Variants in TMC1 observed in about 807,000 individuals in gnomAD.
TMC1 encodes the protein transmembrane channel-like protein 1.
Under a neutral mutation model 105.8 loss-of-function variants are expected in TMC1, and 84 were observed. That is an observed-to-expected ratio of 0.79 (90% CI 0.67 to 0.95). The LOEUF (loss-of-function observed/expected upper bound fraction) is 0.95. TMC1 is among the 40% of genes least tolerant of loss of function. The pLI is 0.00. For synonymous variants in TMC1, 315 were observed against 311.5 expected (o/e 1.01, Z -0.12); for missense variants, 817 against 914.1 (o/e 0.89, Z 1.37).
chr9:72,731,819 C>G (rs1193876262), intron 8 of TMC1, among the ~76,000 whole-genome samples: 2 of 152,192 alleles, frequency 1.3e-5, no homozygotes, highest in Non-Finnish European at 2.9e-5. Flanking sequence ...GTCCCTCCTA[C>G]TCCTTTGACC....
chr9:72,725,321 G>GTGTGTATA (rs1564515457), intron 8 of TMC1, among the ~76,000 whole-genome samples: 1 of 34,900 alleles, frequency 2.9e-5, no homozygotes. Context: ...TTTTATGTGT[G>GTGTGTATA]TATGTATATA....
chr9:72,835,872 C>T (rs367792551), intron 23 of TMC1, 79 bp from the exon 24 acceptor site: 38 of 1,526,942 alleles, frequency 2.5e-5, no homozygotes, highest in East Asian at 4.7e-5. Context: ...CTGAAAGCTA[C>T]GTTTTTATTT....
chr9:72,576,240 A>T (rs1281419010), intron 1 of TMC1, among the ~76,000 whole-genome samples: 1 of 152,220 alleles, frequency 6.6e-6, no homozygotes, highest in Non-Finnish European at 1.5e-5. Context: ...CAACTGTATT[A>T]GTTGGCCAAG....
At chr9:72,738,755 TAGG>T (rs1312916915) in intron 8 of TMC1, among the ~76,000 whole-genome samples, 1 of 152,118 alleles carries the variant, frequency 6.6e-6, no homozygotes. Context: ...TATATGTTAA[TAGG>T]AGTTTAATTA....
At chr9:72,531,953 A>G (rs1823504357) in intron 1 of TMC1, among the ~76,000 whole-genome samples, 1 of 151,870 alleles carries the variant, frequency 6.6e-6, no homozygotes, top group South Asian at 2.1e-4. Flanking sequence ...TTTATTCGAG[A>G]TGGAGTCTTG....
intron 5 of TMC1, among the ~76,000 whole-genome samples, chr9:72,685,580 T>C (rs564884730): frequency 1.3e-5 from 2 of 152,006 alleles, no homozygotes; most frequent in African/African-American, 2.4e-5. Context: ...TCCAGGCTGG[T>C]CTTAAACTCC....
intron 8 of TMC1, among the ~76,000 whole-genome samples, chr9:72,737,550 A>G (rs1300353653): frequency 6.6e-6 from 1 of 152,112 alleles, no homozygotes; most frequent in East Asian, 1.9e-4. Context: ...AAAATCAGAC[A>G]CTCATGTATG....
intron 2 of TMC1, among the ~76,000 whole-genome samples, chr9:72,586,154 T>C (rs1189889680): frequency 1.3e-5 from 2 of 152,222 alleles, no homozygotes; most frequent in Admixed American, 1.3e-4. Context: ...GTGCTTAATT[T>C]ACATAGATTA....
chr9:72,609,632 ACT>A (rs2132118769), intron 2 of TMC1, among the ~76,000 whole-genome samples: 1 of 151,966 alleles, frequency 6.6e-6, no homozygotes, highest in East Asian at 1.9e-4. Context: ...TTATACCAAA[ACT>A]CTTTTTAATA....
At chr9:72,615,375 A>G (rs945438690) in intron 2 of TMC1, among the ~76,000 whole-genome samples, 19 of 152,136 alleles carry the variant, frequency 1.2e-4, no homozygotes, top group African/African-American at 4.3e-4. Flanking sequence ...TTAATTTTAG[A>G]GCCTATTTTC....
chr9:72,700,088 C>G (rs1258930239), intron 7 of TMC1, among the ~76,000 whole-genome samples: 1 of 150,654 alleles, frequency 6.6e-6, no homozygotes, highest in Admixed American at 6.6e-5. Context: ...ACCCCCATCT[C>G]TATTAAAAAT....
chr9:72,613,709 C>T (rs562438416), intron 2 of TMC1, among the ~76,000 whole-genome samples: 2 of 151,920 alleles, frequency 1.3e-5, no homozygotes, highest in Non-Finnish European at 2.9e-5. Context: ...GTGGCTGAAC[C>T]ATCCAAAAAT....
intron 1 of TMC1, among the ~76,000 whole-genome samples, chr9:72,532,541 C>CAAAAAA (rs59010604): frequency 1.3e-5 from 1 of 75,528 alleles, no homozygotes; most frequent in Non-Finnish European, 2.6e-5. Context: ...GACTCCGTCT[C>CAAAAAA]AAAAAAAAAA....
intron 13 of TMC1, among the ~76,000 whole-genome samples, chr9:72,786,100 T>G (rs546899973): frequency 6.6e-6 from 1 of 152,316 alleles, no homozygotes; most frequent in Non-Finnish European, 1.5e-5. Flanking sequence ...CCAAATGACC[T>G]CAGGGTATAA....
At chr9:72,728,179 C>T (rs1435457486) in intron 8 of TMC1, among the ~76,000 whole-genome samples, 1 of 152,062 alleles carries the variant, frequency 6.6e-6, no homozygotes, top group East Asian at 1.9e-4. Flanking sequence ...CTTGAGCTCA[C>T]ATAGCATCTT....
At chr9:72,525,488 G>A (rs1445782209) in intron 1 of TMC1, among the ~76,000 whole-genome samples, 1 of 152,196 alleles carries the variant, frequency 6.6e-6, no homozygotes, top group Admixed American at 6.5e-5. Context: ...TAACAACAGT[G>A]TGAATAAGTT....
chr9:72,701,068 T>C (rs1388084872), intron 8 of TMC1, among the ~76,000 whole-genome samples: 1 of 152,132 alleles, frequency 6.6e-6, no homozygotes, highest in Non-Finnish European at 1.5e-5. Flanking sequence ...TACCATCTCT[T>C]TGAAAGAGAT....
intron 13 of TMC1, among the ~76,000 whole-genome samples, chr9:72,775,804 T>C (rs559590329): frequency 6.6e-6 from 1 of 152,270 alleles, no homozygotes; most frequent in Admixed American, 6.5e-5. Context: ...TTTCCACTCC[T>C]GGTGGAAGGC....
chr9:72,742,744 G>C (rs2793172), intron 10 of TMC1, among the ~76,000 whole-genome samples: 1 of 151,850 alleles, frequency 6.6e-6, no homozygotes. Flanking sequence ...CCCCACTCTC[G>C]TGTTCTACCT....
Sources: gnomAD v4.1 joint callset for allele counts (sites outside exome capture counted in the v4.1 genomes callset) on GRCh38, gnomAD v4.1.1 for gene constraint, MANE v1.5 for transcripts, NCBI Gene and HGNC (gene_info 2026-07-23, HGNC 2026-07-21) for gene names.